SEC14L4: variants seen among roughly 807,000 people sequenced by gnomAD.
SEC14L4 encodes SEC14-like protein 4.
In SEC14L4, 42 loss-of-function variants were observed where a neutral mutation model predicts 55.1. The ratio of observed to expected loss-of-function variants is 0.76; its 90% CI spans 0.60 to 0.99. The LOEUF (loss-of-function observed/expected upper bound fraction) is 0.99. SEC14L4 is among the 50% of genes least tolerant of loss of function. The pLI is 0.00. For missense variants in SEC14L4, 445 were observed against 512.1 expected, an observed-to-expected ratio of 0.87 and a Z score of 1.27; for synonymous variants, 206 against 206.8, an observed-to-expected ratio of 1.00 and a Z score of 0.03.
chr22:30,494,059 G>A, intron 7 of SEC14L4, 91 bp downstream of exon 7: 3 of 937,026 alleles, frequency 3.2e-6, no homozygotes, highest in Admixed American at 1.9e-5. Flanking sequence ...ACAAAGGATG[G>A]GTGAAGAAGC....
At chr22:30,502,553 C>CT (rs1381733807) in intron 2 of SEC14L4, among the ~76,000 whole-genome samples, 1 of 152,074 alleles carries the variant, frequency 6.6e-6, no homozygotes, top group East Asian at 1.9e-4. Context: ...GGGGCAGTGT[C>CT]TGTTATTATT....
intron 2 of SEC14L4, among the ~76,000 whole-genome samples, chr22:30,501,198 C>G (rs1045849051): frequency 6.6e-6 from 1 of 152,078 alleles, no homozygotes; most frequent in African/African-American, 2.4e-5. Flanking sequence ...TTAGTGAGGC[C>G]GGGACTAGCG....
Position 30,492,498 on chromosome 22 carries a change from G to A in SEC14L4, c.640C>T (p.Arg214Cys), listed in dbSNP as rs199853485. The change falls in exon 8 of 12, where the codon CGC (arginine) becomes TGC (cysteine). Residue 214 changes from arginine (R) to cysteine (C), a missense_variant. Arg to Cys is a radical substitution (Grantham distance 180). Coordinates refer to ENST00000255858, the MANE Select transcript of SEC14L4 (RefSeq NM_174977.4). Reference sequence around the variant, plus strand: ...CCTCCCAGAATCACAATCTTCCTGCGTGTCTCCTCACTCATGAACGACTTG... The same window carrying A: ...CCTCCCAGAATCACAATCTTCCTGCATGTCTCCTCACTCATGAACGACTTG... ...LVKSFMSEET[R>C]RKIVILGDNW... 3.8e-5 allele frequency: 61 copies of A among 1,613,882 alleles called. No individual in the cohort carries two copies. Among genetic ancestry groups the A allele is most frequent in the Admixed American group, 3.3e-5 (2 of 60,014 alleles).
chr22:30,491,747 A>T lies in SEC14L4; in HGVS notation c.912-5T>A. On this transcript the variant is annotated splice_region_variant and splice_polypyrimidine_tract_variant and intron_variant, in intron 10 of 11. Coordinates refer to ENST00000255858, the MANE Select transcript of SEC14L4 (RefSeq NM_174977.4). ...CCATCTGAAGCAAACTGCCACCTGC[A>T]GTGGATAGAGCCCCATTGGCGACCC... 6.2e-7 allele frequency: 1 copy of T among 1,614,086 alleles called. No homozygotes were observed. The highest frequency in any genetic ancestry group is 8.5e-7 in the Non-Finnish European group (1 of 1,179,960).
chr22:30,499,343 A>G (rs1936249139), intron 2 of SEC14L4, among the ~76,000 whole-genome samples: 1 of 150,592 alleles, frequency 6.6e-6, no homozygotes, highest in Non-Finnish European at 1.5e-5. Flanking sequence ...TCGGCCTCCC[A>G]AAGTGCTGGG....
At chr22:30,490,741 C>T (rs1935925245) in intron 11 of SEC14L4, among the ~76,000 whole-genome samples, 1 of 152,154 alleles carries the variant, frequency 6.6e-6, no homozygotes, top group African/African-American at 2.4e-5. Flanking sequence ...CCTCATTTTA[C>T]AGAGGAGAAA....
Position 30,499,237 on chromosome 22 carries a change from TATTG to T in SEC14L4, c.131-3270_131-3267del, listed in dbSNP as rs1936245882. On this transcript the variant is annotated intron_variant, in intron 2 of 11. Transcript: ENST00000255858. ...TGCCTTATTGGATTCTACTACATAA[TATTG>T]ATTTAGACTACTATTTTTTTTTTAA... 2.0e-5 allele frequency among the ~76,000 whole-genome samples: 3 copies of T among 151,426 alleles called. No homozygotes were observed. In the South Asian group the frequency reaches 6.3e-4, roughly 32 times the overall value.
At chr22:30,501,454 G>T (rs1335902987) in intron 2 of SEC14L4, among the ~76,000 whole-genome samples, 1 of 152,158 alleles carries the variant, frequency 6.6e-6, no homozygotes, top group African/African-American at 2.4e-5. Context: ...GTATCAAGGG[G>T]CTTCAAGAAA....
chr22:30,500,785 G>GTTTTTTT (rs1936295173), intron 2 of SEC14L4, among the ~76,000 whole-genome samples: 1 of 33,588 alleles, frequency 3.0e-5, no homozygotes, highest in Non-Finnish European at 6.1e-5. Flanking sequence ...TTTTTTTTTA[G>GTTTTTTT]TAACACCTAC....
chr22:30,501,557 T>C (rs1312386517), intron 2 of SEC14L4, among the ~76,000 whole-genome samples: 1 of 152,074 alleles, frequency 6.6e-6, no homozygotes, highest in Non-Finnish European at 1.5e-5. Context: ...CCAAGGGGGC[T>C]TAAGGAGGGC....
At chr22:30,495,541 G>C in intron 4 of SEC14L4, 42 bp downstream of exon 4, 1 of 1,611,650 alleles carries the variant, frequency 6.2e-7, no homozygotes, top group Non-Finnish European at 8.5e-7. Context: ...TGTCAGGGGT[G>C]AGGGGCCTCA....
chr22:30,499,811 T>G (rs972324783), intron 2 of SEC14L4, among the ~76,000 whole-genome samples: 22 of 152,122 alleles, frequency 1.4e-4, no homozygotes, highest in Admixed American at 9.8e-4. Flanking sequence ...TACTCAAACC[T>G]TATAAGGTAA....
At chr22:30,492,371 G>C in intron 8 of SEC14L4, 103 bp downstream of exon 8, 1 of 1,219,930 alleles carries the variant, frequency 8.2e-7, no homozygotes, top group Non-Finnish European at 1.2e-6. Flanking sequence ...GTCAGGCCAG[G>C]GGTAGTGCCC....
At chr22:30,497,482 A>G (rs1231950525) in intron 2 of SEC14L4, among the ~76,000 whole-genome samples, 1 of 151,712 alleles carries the variant, frequency 6.6e-6, no homozygotes, top group Non-Finnish European at 1.5e-5. Flanking sequence ...CCAAGATCGC[A>G]CTACTGCACT....
chr22:30,495,018 C>T, intron 5 of SEC14L4, 57 bp from the exon 6 acceptor site: 1 of 1,479,052 alleles, frequency 6.8e-7, no homozygotes. Flanking sequence ...AGATCCTGGC[C>T]AGAGAGACTT....
chr22:30,492,260 C>T, intron 8 of SEC14L4, 105 bp from the exon 9 acceptor site: 1 of 1,393,026 alleles, frequency 7.2e-7, no homozygotes, highest in Non-Finnish European at 1.0e-6. Flanking sequence ...GGGCGTGCTC[C>T]CCCGGGCACC....
At chr22:30,501,669 A>G (rs1203451656) in intron 2 of SEC14L4, among the ~76,000 whole-genome samples, 1 of 152,084 alleles carries the variant, frequency 6.6e-6, no homozygotes, top group Non-Finnish European at 1.5e-5. Context: ...TAATGTATCC[A>G]TATTGGTTTA....
intron 2 of SEC14L4, among the ~76,000 whole-genome samples, chr22:30,502,269 C>T (rs1013502371): frequency 1.3e-5 from 2 of 152,140 alleles, no homozygotes; most frequent in African/African-American, 2.4e-5. Context: ...TGTGCATCTG[C>T]GACCTCATTT....
intron 2 of SEC14L4, among the ~76,000 whole-genome samples, chr22:30,497,348 A>C (rs971482805): frequency 4.0e-5 from 6 of 151,690 alleles, no homozygotes; most frequent in African/African-American, 1.5e-4. Context: ...TCAAACAACA[A>C]CAACAACAAC....
Sources: allele counts gnomAD v4.1 joint callset (sites outside exome capture counted in the v4.1 genomes callset), GRCh38; gene constraint gnomAD v4.1.1; transcripts MANE v1.5; gene names NCBI Gene and HGNC (gene_info 2026-07-23, HGNC 2026-07-21).